VSIR: variants seen among roughly 807,000 people sequenced by gnomAD.
The protein encoded by VSIR is V-type immunoglobulin domain-containing suppressor of T-cell activation.
A neutral mutation model predicts 31.0 loss-of-function variants in VSIR; 10 were observed. The observed-to-expected ratio is 0.32, with a 90% confidence interval of 0.20 to 0.55. VSIR has a LOEUF of 0.55. Ranked by LOEUF, VSIR falls within the 20% of genes least tolerant of loss-of-function variation. The pLI, the probability that VSIR is intolerant of heterozygous loss-of-function variation, is 0.93. For synonymous variants in VSIR, 179 were observed against 180.1 expected, an observed-to-expected ratio of 0.99 and a Z score of 0.05; for missense variants, 356 against 416.2, an observed-to-expected ratio of 0.86 and a Z score of 1.26.
chr10:71,758,363 T>C (rs184628290), intron 3 of VSIR, among the ~76,000 whole-genome samples: 49 of 152,292 alleles, frequency 3.2e-4, no homozygotes, highest in African/African-American at 1.1e-3. Flanking sequence ...CCCCACTGGA[T>C]GTCTGACACA....
chr10:71,753,960 T>G (rs1216895317), intron 4 of VSIR: 1 of 442,328 alleles, frequency 2.3e-6, no homozygotes, highest in Non-Finnish European at 4.6e-6. Flanking sequence ...GGTCCCATTT[T>G]AGAGCTGGGG....
chr10:71,761,267 C>T (rs1840376651), intron 2 of VSIR, among the ~76,000 whole-genome samples: 1 of 152,224 alleles, frequency 6.6e-6, no homozygotes, highest in African/African-American at 2.4e-5. Context: ...CCCCAGGGCA[C>T]CAATCAGTCC....
At chr10:71,760,753 C>CG (rs903851627) in intron 3 of VSIR, 115 bp downstream of exon 3, 3 of 927,362 alleles carry the variant, frequency 3.2e-6, no homozygotes, top group Admixed American at 1.8e-5. Flanking sequence ...GGAGGAGGAC[C>CG]GGGGGGTTCT....
chr10:71,769,992 C>A (rs1840649929), intron 1 of VSIR, among the ~76,000 whole-genome samples: 1 of 152,208 alleles, frequency 6.6e-6, no homozygotes, highest in Admixed American at 6.5e-5. Context: ...TAGGCACCTC[C>A]ATGGGCATTT....
chr10:71,750,947 G>T lies in VSIR; in HGVS notation c.*306C>A. On this transcript the variant is annotated 3_prime_UTR_variant, in exon 7 of 7. Coordinates refer to ENST00000394957, the MANE Select transcript of VSIR (RefSeq NM_022153.2). ...ATGTCTCAGAACGAGAGCTGCTGAA[G>T]GGCTGGACGTTCTGAGACTTCTTAA... 1 of 341,510 alleles carries T rather than the reference G, an allele frequency of 2.9e-6. No homozygotes were observed. The highest frequency in any genetic ancestry group is 5.4e-6 in the Non-Finnish European group (1 of 186,846). The allele number at this position is 341,510 out of a possible 1,614,324, so 21.2% of individuals were successfully genotyped here.
intron 5 of VSIR, chr10:71,752,117 C>G (rs759010047): frequency 4.7e-6 from 3 of 642,416 alleles, no homozygotes; most frequent in Non-Finnish European, 5.7e-6. Context: ...GTCTGACCAT[C>G]AACCCCGGGC....
chr10:71,755,168 C>T (rs1159078807), intron 4 of VSIR, 191 bp downstream of exon 4: 6 of 680,234 alleles, frequency 8.8e-6, no homozygotes, highest in Non-Finnish European at 1.6e-5. Flanking sequence ...GCACTTGGCC[C>T]CCGGAAATGG....
At chr10:71,755,560 G>A in intron 3 of VSIR, 94 bp from the exon 4 acceptor site, 1 of 1,187,968 alleles carries the variant, frequency 8.4e-7, no homozygotes, top group Non-Finnish European at 1.2e-6. Flanking sequence ...CCAGGAAGCA[G>A]GAGACCCGCC....
At chr10:71,758,630 C>T (rs1210902230) in intron 3 of VSIR, among the ~76,000 whole-genome samples, 1 of 152,228 alleles carries the variant, frequency 6.6e-6, no homozygotes, top group Non-Finnish European at 1.5e-5. Flanking sequence ...CCCAGCTATG[C>T]TACCCTGGGC....
At chr10:71,761,172 A>G (rs1238062587) in intron 2 of VSIR, among the ~76,000 whole-genome samples, 1 of 152,020 alleles carries the variant, frequency 6.6e-6, no homozygotes, top group South Asian at 2.1e-4. Flanking sequence ...TATCCGAACC[A>G]TGGGCCCTTG....
rs190144328 is a variant in VSIR at position 71,773,463 on chromosome 10, A to G, written c.-24T>C. 44,447 of 1,574,388 alleles carry G rather than the reference A, an allele frequency of 0.028. 837 individuals carry two copies. Among genetic ancestry groups the G allele is most frequent in the Middle Eastern group, 0.057 (341 of 5,976 alleles). On this transcript the variant is annotated 5_prime_UTR_variant, in exon 1 of 7. Coordinates refer to ENST00000394957, the MANE Select transcript of VSIR (RefSeq NM_022153.2). ...ATGTCGCCGTCGGACGCGCAGAGGAACTTCTGGTGCCGGGGAGCGGGCGGG... is the reference window on the plus strand; with the variant it reads ...ATGTCGCCGTCGGACGCGCAGAGGAGCTTCTGGTGCCGGGGAGCGGGCGGG...
intron 1 of VSIR, among the ~76,000 whole-genome samples, chr10:71,772,536 G>T (rs944778482): frequency 6.6e-6 from 1 of 152,256 alleles, no homozygotes; most frequent in African/African-American, 2.4e-5. Context: ...TTGGGGCCAG[G>T]ATACTATCTG....
intron 5 of VSIR, among the ~76,000 whole-genome samples, chr10:71,752,660 G>T (rs979958041): frequency 6.6e-6 from 1 of 152,182 alleles, no homozygotes; most frequent in Non-Finnish European, 1.5e-5. Flanking sequence ...GGCTGGGCCC[G>T]CTGGCCTCCT....
chr10:71,761,009 GC>G, intron 2 of VSIR, 85 bp from the exon 3 acceptor site: 1 of 1,391,542 alleles, frequency 7.2e-7, no homozygotes, highest in Non-Finnish European at 1.0e-6. Context: ...TCCCCCTCCT[GC>G]CCCAGGTTCT....
At chr10:71,756,097 C>T (rs1840138781) in intron 3 of VSIR, among the ~76,000 whole-genome samples, 1 of 152,118 alleles carries the variant, frequency 6.6e-6, no homozygotes, top group Non-Finnish European at 1.5e-5. Flanking sequence ...GGGGTGAGAA[C>T]TAGAAAAACG....
intron 2 of VSIR, among the ~76,000 whole-genome samples, chr10:71,761,214 G>T (rs761380688): frequency 6.6e-6 from 1 of 152,082 alleles, no homozygotes; most frequent in Non-Finnish European, 1.5e-5. Flanking sequence ...ACACACACAC[G>T]CATATATTCT....
rs531739728 is a variant in VSIR at position 71,750,806 on chromosome 10, G to A, written c.*447C>T. 7.1e-4 allele frequency: 112 copies of A among 157,586 alleles called. 3 individuals are homozygous for A. Among genetic ancestry groups the A allele is most frequent in the Admixed American group, 6.4e-3 (99 of 15,446 alleles). The allele number at this position is 157,586 out of a possible 1,614,324, so 9.8% of individuals were successfully genotyped here. On this transcript the variant is annotated 3_prime_UTR_variant, in exon 7 of 7. Transcript: ENST00000394957. The stretch of plus-strand genomic sequence containing the variant: ...ACAGAAGAGCAGCCTCGGGCAAAAC[G>A]GGGGAGCCAAGGCGGCCACGGGGGA...
chr10:71,767,874 C>T (rs1840591305), intron 1 of VSIR, among the ~76,000 whole-genome samples: 1 of 152,198 alleles, frequency 6.6e-6, no homozygotes, highest in African/African-American at 2.4e-5. Flanking sequence ...CTTGGGAAAG[C>T]CTCCGTGCAT....
chr10:71,752,003 C>A (rs1244464269), intron 5 of VSIR, 142 bp from the exon 6 acceptor site: 8 of 945,574 alleles, frequency 8.5e-6, no homozygotes, highest in South Asian at 1.4e-5. Flanking sequence ...AGCAAGAAGG[C>A]AGGAGCCAGG....
Sources: allele counts gnomAD v4.1 joint callset (sites outside exome capture counted in the v4.1 genomes callset), GRCh38; gene constraint gnomAD v4.1.1; transcripts MANE v1.5; gene names NCBI Gene and HGNC (gene_info 2026-07-23, HGNC 2026-07-21).